The following CLIP1 variants were observed in gnomAD, a reference collection of about 807,000 sequenced individuals.
CLIP1 encodes CAP-Gly domain containing linker protein 1.
A neutral mutation model predicts 161.6 loss-of-function variants in CLIP1; 66 were observed. The ratio of observed to expected loss-of-function variants is 0.41; its 90% CI spans 0.33 to 0.50. The LOEUF (loss-of-function observed/expected upper bound fraction) is 0.50. CLIP1 is among the 20% of genes least tolerant of loss of function. CLIP1 has a pLI of 0.27. For synonymous variants in CLIP1, 598 were observed against 626.2 expected, an observed-to-expected ratio of 0.96 and a Z score of 0.67; for missense variants, 1,376 against 1,702.0, an observed-to-expected ratio of 0.81 and a Z score of 3.37.
chr12:122,304,985 A>T (rs993245926), intron 20 of CLIP1, among the ~76,000 whole-genome samples: 1 of 152,190 alleles, frequency 6.6e-6, no homozygotes, highest in Admixed American at 6.5e-5. Context: ...TGCTAACCCC[A>T]ATTTTTTTGT....
rs535331493 is a variant in CLIP1, at chr12:122,413,345, T to A, written c.-107+9176A>T. Among the ~76,000 whole-genome samples the A allele has an allele frequency of 3.9e-3, 599 of 152,300 alleles. 17 individuals carry two copies. Among genetic ancestry groups the A allele is most frequent in the East Asian group, 9.6e-4 (5 of 5,184 alleles). On this transcript the variant is annotated intron_variant, in intron 1 of 25. Coordinates refer to ENST00000620786, the MANE Select transcript of CLIP1 (RefSeq NM_001247997.2). ...TTTTTAGAATCGGGGGGAAAAAGAC[T>A]TATTATATTGCCTCCCTTTATACAT...
At chr12:122,318,208 TC>T (rs1951343213) in intron 18 of CLIP1, among the ~76,000 whole-genome samples, 1 of 152,162 alleles carries the variant, frequency 6.6e-6, no homozygotes, top group Admixed American at 6.5e-5. Flanking sequence ...CCCCTTGCTT[TC>T]CTTCCTTAAT....
At chr12:122,422,940 C>T (rs1957009208), upstream of CLIP1, among the ~76,000 whole-genome samples, 1 of 152,116 alleles carries the variant, frequency 6.6e-6, no homozygotes, top group African/African-American at 2.4e-5. Context: ...AGGGGCTTCT[C>T]GTCATTTCTG....
intron 20 of CLIP1, among the ~76,000 whole-genome samples, chr12:122,291,940 C>A (rs1950265122): frequency 6.6e-6 from 1 of 152,228 alleles, no homozygotes; most frequent in East Asian, 1.9e-4. Context: ...GTCATTCCAA[C>A]CATTAAATAT....
At chr12:122,349,635 G>A (rs1458374477) in intron 9 of CLIP1, among the ~76,000 whole-genome samples, 1 of 152,216 alleles carries the variant, frequency 6.6e-6, no homozygotes, top group Middle Eastern at 3.2e-3. Flanking sequence ...AACCCTTCTT[G>A]TAAAATCATT....
chr12:122,333,170 G>A, intron 14 of CLIP1, 27 bp from the exon 15 acceptor site: 1 of 1,565,072 alleles, frequency 6.4e-7, no homozygotes, highest in Non-Finnish European at 8.7e-7. Flanking sequence ...AAAAAGAATA[G>A]CACGGCTGTG....
At chr12:122,352,849 CAAAA>C (rs1159306553) in intron 7 of CLIP1, 63 bp from the exon 8 acceptor site, 35 of 1,406,136 alleles carry the variant, frequency 2.5e-5, no homozygotes, top group Non-Finnish European at 3.5e-5. Flanking sequence ...TTTAAAAAAA[CAAAA>C]CAAACAAACA....
rs61954419 is a variant in CLIP1, at chr12:122,376,058, C to T, written c.657+1331G>A. On this transcript the variant is annotated intron_variant, in intron 3 of 25. Coordinates refer to ENST00000620786, the MANE Select transcript of CLIP1 (RefSeq NM_001247997.2). Reference sequence around the variant, plus strand: ...GGTTTAAGTGATTCTCCTGCCTAAACCTCCAAGTAGCTTGGATTACAGGTG... The same window carrying T: ...GGTTTAAGTGATTCTCCTGCCTAAATCTCCAAGTAGCTTGGATTACAGGTG... Among the ~76,000 whole-genome samples, 1,205 of 152,170 alleles carry T rather than the reference C, an allele frequency of 7.9e-3. 5 individuals carry two copies. The highest frequency in any genetic ancestry group is 0.013 in the Non-Finnish European group (871 of 68,000).
intron 17 of CLIP1, chr12:122,322,739 A>C (rs1241308422): frequency 2.0e-5 from 3 of 152,650 alleles, no homozygotes; most frequent in Non-Finnish European, 4.4e-5. Context: ...TTCCTGTTCC[A>C]GGATTAAGGA....
At chr12:122,420,296 G>A (rs1956897585) in intron 1 of CLIP1, among the ~76,000 whole-genome samples, 1 of 151,150 alleles carries the variant, frequency 6.6e-6, no homozygotes, top group Non-Finnish European at 1.5e-5. Context: ...AGTGAGCCGA[G>A]ATCACTCCAT....
chr12:122,390,196 T>TATATATATATATATAA (rs1421512147), intron 1 of CLIP1, among the ~76,000 whole-genome samples: 1 of 98,882 alleles, frequency 1.0e-5, no homozygotes, highest in Non-Finnish European at 2.3e-5. Flanking sequence ...TATATATATA[T>TATATATATATATATAA]AATATATATA....
chr12:122,339,769 G>A (rs1952409458), intron 11 of CLIP1, among the ~76,000 whole-genome samples: 1 of 152,148 alleles, frequency 6.6e-6, no homozygotes, highest in Admixed American at 6.5e-5. Context: ...TTGTTGTGGG[G>A]ACATCACAGG....
chr12:122,325,192 G>T (rs1401475574), intron 17 of CLIP1, among the ~76,000 whole-genome samples: 1 of 151,688 alleles, frequency 6.6e-6, no homozygotes, highest in East Asian at 1.9e-4. Flanking sequence ...CAAGTAGCTG[G>T]GATTACAAGG....
intron 1 of CLIP1, among the ~76,000 whole-genome samples, chr12:122,413,134 T>C (rs1472545550): frequency 3.3e-5 from 5 of 152,128 alleles, no homozygotes; most frequent in African/African-American, 9.7e-5. Flanking sequence ...CTTTAAGGTA[T>C]TAGAACATAA....
In CLIP1 at chr12:122,364,060, G is replaced by A; in HGVS notation, c.705C>T (p.Asp235=). 6.2e-7 allele frequency: 1 copy of A among 1,614,084 alleles called. No individual in the cohort carries two copies. Among genetic ancestry groups the A allele is most frequent in the Non-Finnish European group, 8.5e-7 (1 of 1,180,026 alleles). Residue 235 remains aspartate (D), a synonymous_variant, in exon 4 of 26, where the codon GAC becomes GAT. Coordinates refer to ENST00000620786, the MANE Select transcript of CLIP1 (RefSeq NM_001247997.2). The stretch of plus-strand genomic sequence containing the variant: ...CGCCACACCACTCCCCCTTGGCAAA[G>A]TCGGTCTCCCCAAGAAACCGGACTA... ...AGVVRFLGET[D]FAKGEWCGVE...
At chr12:122,361,267 A>C in intron 4 of CLIP1, 86 bp from the exon 5 acceptor site, 2 of 1,147,798 alleles carry the variant, frequency 1.7e-6, no homozygotes, top group South Asian at 3.1e-5. Context: ...CCAACTCCTA[A>C]CTTACGGTTG....
At chr12:122,280,871 GA>G (rs1955618553) in intron 21 of CLIP1, 1 of 152,248 alleles carries the variant, frequency 6.6e-6, no homozygotes, top group African/African-American at 2.4e-5. Flanking sequence ...AGTCACCAGT[GA>G]GTGGTCATAA....
chr12:122,288,439 C>G (rs1206054820), intron 21 of CLIP1, 50 bp downstream of exon 21: 1 of 1,492,178 alleles, frequency 6.7e-7, no homozygotes, highest in Non-Finnish European at 9.2e-7. Flanking sequence ...ATATCATGTT[C>G]TGACATCTTA....
chr12:122,363,425 G>A (rs1056966383), intron 4 of CLIP1, among the ~76,000 whole-genome samples: 9 of 151,936 alleles, frequency 5.9e-5, no homozygotes, highest in African/African-American at 2.4e-5. Flanking sequence ...CCAGAAGGGG[G>A]AGGTTGCATG....
Sources: gnomAD v4.1 joint callset for allele counts (sites outside exome capture counted in the v4.1 genomes callset) on GRCh38, gnomAD v4.1.1 for gene constraint, MANE v1.5 for transcripts, NCBI Gene and HGNC (gene_info 2026-07-23, HGNC 2026-07-21) for gene names.